Variants in GRM7 observed in about 807,000 individuals in gnomAD.
GRM7 encodes metabotropic glutamate receptor 7.
In GRM7, 35 loss-of-function variants were observed where a neutral mutation model predicts 84.5. The ratio of observed to expected loss-of-function variants is 0.41; its 90% confidence interval spans 0.32 to 0.55. The LOEUF is 0.55. Ranked by LOEUF, GRM7 falls within the 20% of genes least tolerant of loss-of-function variation. The pLI is 0.19. For synonymous variants in GRM7, 487 were observed against 455.1 expected, an observed-to-expected ratio of 1.07 and a Z score of -0.89; for missense variants, 1,003 against 1,194.6, an observed-to-expected ratio of 0.84 and a Z score of 2.36.
intron 9 of GRM7, among the ~76,000 whole-genome samples, chr3:7,685,963 TC>T (rs1700567198): frequency 6.6e-6 from 1 of 152,198 alleles, no homozygotes; most frequent in Non-Finnish European, 1.5e-5. Context: ...CCTAACATTC[TC>T]AACATTATGT....
intron 9 of GRM7, among the ~76,000 whole-genome samples, chr3:7,709,350 T>C (rs541339428): frequency 6.6e-6 from 1 of 151,540 alleles, no homozygotes; most frequent in South Asian, 2.1e-4. Context: ...GAACAGAGAG[T>C]TTGGGTCAAT....
At chr3:7,660,625 C>T (rs776919484) in intron 8 of GRM7, among the ~76,000 whole-genome samples, 8 of 152,094 alleles carry the variant, frequency 5.3e-5, no homozygotes, top group Non-Finnish European at 7.4e-5. Flanking sequence ...TCCCAACAGG[C>T]TTCTTATAGA....
chr3:7,401,113 C>G (rs1695429886), intron 4 of GRM7, among the ~76,000 whole-genome samples: 1 of 152,042 alleles, frequency 6.6e-6, no homozygotes, highest in Non-Finnish European at 1.5e-5. Flanking sequence ...TAATTAATTT[C>G]TGCTATAATT....
At chr3:7,019,465 A>G (rs1695693604) in intron 1 of GRM7, among the ~76,000 whole-genome samples, 1 of 152,172 alleles carries the variant, frequency 6.6e-6, no homozygotes, top group Admixed American at 6.5e-5. Context: ...TCTCTCCCCT[A>G]AATCCAAACA....
intron 7 of GRM7, among the ~76,000 whole-genome samples, chr3:7,499,395 AT>A (rs1183008442): frequency 6.6e-6 from 1 of 152,168 alleles, no homozygotes; most frequent in African/African-American, 2.4e-5. Flanking sequence ...TAGTCAATGA[AT>A]TTGCAGACCT....
intron 8 of GRM7, among the ~76,000 whole-genome samples, chr3:7,643,841 A>G (rs1370185705): frequency 6.6e-6 from 1 of 152,086 alleles, no homozygotes; most frequent in Non-Finnish European, 1.5e-5. Flanking sequence ...AAATCCATTT[A>G]CCCATTCACA....
intron 4 of GRM7, among the ~76,000 whole-genome samples, chr3:7,400,065 T>G (rs538951574): frequency 4.7e-4 from 72 of 152,288 alleles, no homozygotes; most frequent in African/African-American, 1.5e-3. Context: ...ATTTGCAACA[T>G]CTCTTTACTA....
intron 1 of GRM7, among the ~76,000 whole-genome samples, chr3:7,048,873 G>C (rs554644371): frequency 4.6e-5 from 7 of 151,556 alleles, no homozygotes; most frequent in Non-Finnish European, 8.9e-5. Context: ...CCTCACCCCC[G>C]GTAACCACCA....
chr3:6,947,577 T>A (rs1380676481), intron 1 of GRM7, among the ~76,000 whole-genome samples: 2 of 152,210 alleles, frequency 1.3e-5, no homozygotes, highest in Non-Finnish European at 2.9e-5. Context: ...ATAAAATGAG[T>A]TAGGGAGGAT....
chr3:7,664,251 T>C (rs1699583802), intron 8 of GRM7, among the ~76,000 whole-genome samples: 1 of 152,112 alleles, frequency 6.6e-6, no homozygotes, highest in Non-Finnish European at 1.5e-5. Flanking sequence ...CTGGGTCTTT[T>C]CATTTGAGGC....
chr3:7,699,490 A>C lies in GRM7; in HGVS notation c.2698+19195A>C, dbSNP rs558597907. On this transcript the variant is annotated intron_variant, in intron 9 of 9. Coordinates refer to ENST00000357716, the MANE Select transcript of GRM7 (RefSeq NM_000844.4). The stretch of plus-strand genomic sequence containing the variant: ...ATTCTATAACAAACAAGTTACTTTT[A>C]TGAAACAATTTTTTAAATTTGAAAA... Among the ~76,000 whole-genome samples, 29 of 152,340 alleles carry C rather than the reference A, an allele frequency of 1.9e-4. 1 individual carries two copies. Among genetic ancestry groups the C allele is most frequent in the African/African-American group, 6.5e-4 (27 of 41,596 alleles).
At chr3:6,976,040 GA>G (rs1275543026) in intron 1 of GRM7, among the ~76,000 whole-genome samples, 1 of 152,214 alleles carries the variant, frequency 6.6e-6, no homozygotes, top group South Asian at 2.1e-4. Context: ...TAGTGCCTCT[GA>G]AAAAGTCAGA....
intron 2 of GRM7, among the ~76,000 whole-genome samples, chr3:7,229,755 A>ATTTTTTTTTTTT (rs1266640710): frequency 7.0e-5 from 2 of 28,482 alleles, no homozygotes; most frequent in African/African-American, 2.7e-4. Flanking sequence ...ATATATATAT[A>ATTTTTTTTTTTT]TATATTTTTT....
intron 7 of GRM7, among the ~76,000 whole-genome samples, chr3:7,495,572 C>T (rs1699671224): frequency 6.6e-6 from 1 of 152,072 alleles, no homozygotes; most frequent in Non-Finnish European, 1.5e-5. Flanking sequence ...CTGCCCATCT[C>T]AGTATCTCTC....
intron 1 of GRM7, among the ~76,000 whole-genome samples, chr3:6,950,469 G>C (rs571235834): frequency 6.6e-6 from 1 of 152,204 alleles, no homozygotes; most frequent in East Asian, 1.9e-4. Flanking sequence ...CGCCCCTACT[G>C]GGGGGTGCCT....
At chr3:7,517,351 CAG>C (rs1700428916) in intron 7 of GRM7, among the ~76,000 whole-genome samples, 1 of 139,506 alleles carries the variant, frequency 7.2e-6, no homozygotes, top group South Asian at 2.5e-4. Flanking sequence ...GTAATAATAA[CAG>C]TGGTTACTAT....
At chr3:7,141,528 A>G (rs1693944042) in intron 1 of GRM7, among the ~76,000 whole-genome samples, 1 of 152,062 alleles carries the variant, frequency 6.6e-6, no homozygotes, top group Non-Finnish European at 1.5e-5. Flanking sequence ...TAGCTATACT[A>G]TGATTCTCAT....
At chr3:7,047,267 C>A (rs1206343605) in intron 1 of GRM7, among the ~76,000 whole-genome samples, 1 of 151,956 alleles carries the variant, frequency 6.6e-6, no homozygotes, top group Non-Finnish European at 1.5e-5. Context: ...ATTTTACAAT[C>A]TTAGAATCTG....
At chr3:7,328,861 G>C (rs534643791) in intron 4 of GRM7, among the ~76,000 whole-genome samples, 1 of 152,134 alleles carries the variant, frequency 6.6e-6, no homozygotes, top group South Asian at 2.1e-4. Context: ...ACCCTAGTAA[G>C]TTTGCATGGT....
Sources: gnomAD v4.1 joint callset for allele counts (sites outside exome capture counted in the v4.1 genomes callset) on GRCh38, gnomAD v4.1.1 for gene constraint, MANE v1.5 for transcripts, NCBI Gene and HGNC (gene_info 2026-07-23, HGNC 2026-07-21) for gene names.